Variants in GRK5 observed in about 807,000 individuals in gnomAD.
GRK5 encodes G protein-coupled receptor kinase 5.
In GRK5, 40 loss-of-function variants were observed where a neutral mutation model predicts 78.4. The observed-to-expected ratio is 0.51, with a 90% CI of 0.40 to 0.66. The LOEUF is 0.66. Among genes scored for constraint, GRK5 ranks in the 30% least tolerant of loss-of-function variants. GRK5 has a pLI of 0.00. For missense variants in GRK5, 598 were observed against 759.9 expected, an observed-to-expected ratio of 0.79 and a Z score of 2.50; for synonymous variants, 289 against 296.8, an observed-to-expected ratio of 0.97 and a Z score of 0.27.
intron 1 of GRK5, among the ~76,000 whole-genome samples, chr10:119,289,480 T>C (rs952449361): frequency 2.0e-5 from 3 of 152,214 alleles, no homozygotes; most frequent in Admixed American, 6.5e-5. Flanking sequence ...CTCTTCCCAC[T>C]GTGGGGGTCA....
intron 2 of GRK5, among the ~76,000 whole-genome samples, chr10:119,372,794 CT>C (rs200752761): frequency 0.033 from 5,101 of 152,318 alleles, 185 homozygotes; most frequent in African/African-American, 0.089. Context: ...AGTAACTTTC[CT>C]TAGAGTGCCA....
intron 4 of GRK5, among the ~76,000 whole-genome samples, chr10:119,421,556 G>T (rs538926250): frequency 3.2e-4 from 48 of 152,346 alleles, no homozygotes; most frequent in Admixed American, 5.9e-4. Flanking sequence ...GTGCTCTGTG[G>T]GTTGCTCTTC....
chr10:119,385,619 G>A (rs926202501), intron 3 of GRK5, among the ~76,000 whole-genome samples: 4 of 152,208 alleles, frequency 2.6e-5, no homozygotes, highest in Admixed American at 2.6e-4. Context: ...TTGTGTGGAA[G>A]GTGTATTCTC....
chr10:119,208,811 G>T (rs780504219), intron 1 of GRK5, among the ~76,000 whole-genome samples: 13 of 152,154 alleles, frequency 8.5e-5, no homozygotes, highest in East Asian at 5.8e-4. Context: ...CAGAAAAAAG[G>T]GGGGGGAGGC....
intron 4 of GRK5, among the ~76,000 whole-genome samples, chr10:119,418,951 TG>T (rs1246463389): frequency 6.6e-6 from 1 of 152,150 alleles, no homozygotes; most frequent in Non-Finnish European, 1.5e-5. Flanking sequence ...GCATCTTTGA[TG>T]GGGGAAGCGT....
chr10:119,292,115 CCTCCCTCTCCTCATCT>C (rs1849985025), intron 1 of GRK5, among the ~76,000 whole-genome samples: 2 of 44,046 alleles, frequency 4.5e-5, no homozygotes, highest in Non-Finnish European at 9.6e-5. Context: ...TTCTCCTCTT[CCTCCCTCTCCTCATCT>C]TCCTCCTTCT....
rs1371434116 is a variant in GRK5, at chr10:119,452,188, T to C, written c.1405-483T>C. Among the ~76,000 whole-genome samples, 1 of 152,164 alleles carries C rather than the reference T, an allele frequency of 6.6e-6. No homozygotes were observed. Among genetic ancestry groups the C allele is most frequent in the African/African-American group, 2.4e-5 (1 of 41,444 alleles). ...ACAGCAGCCCCATCGCCCAGGTGCCTCGTTGTCCCCATTTTGCCGGTAAGG... is the reference window on the plus strand; with the variant it reads ...ACAGCAGCCCCATCGCCCAGGTGCCCCGTTGTCCCCATTTTGCCGGTAAGG... On this transcript the variant is annotated intron_variant, in intron 13 of 15. Transcript: ENST00000392870. This position sits in a 1 kb window ranked among gnomAD's most constrained non-coding sequence, Gnocchi z 4.4.
At chr10:119,349,533 T>C (rs1043631616) in intron 2 of GRK5, among the ~76,000 whole-genome samples, 1 of 152,244 alleles carries the variant, frequency 6.6e-6, no homozygotes, top group East Asian at 1.9e-4. Flanking sequence ...GGGGTCTCCA[T>C]GGGCACCAGC....
rs966299427 is a variant in GRK5 at position 119,452,999 on chromosome 10, G to A, written c.1543-146G>A. On this transcript the variant is annotated intron_variant, in intron 14 of 15. Transcript: ENST00000392870. This position sits in a 1 kb window ranked among gnomAD's most constrained non-coding sequence, Gnocchi z 4.4. The stretch of plus-strand genomic sequence containing the variant: ...TAGCCACCACGGGCCAGTCATTGAC[G>A]GGGAGCCTCGCCCAGCCCCTGAGAC... 14 of 858,008 alleles carry A rather than the reference G, an allele frequency of 1.6e-5. No homozygotes were observed. Among genetic ancestry groups the A allele is most frequent in the Middle Eastern group, 6.8e-4 (2 of 2,956 alleles). 53.1% of individuals were successfully genotyped at this position (858,008 alleles called of 1,614,324 possible). A position where few individuals can be genotyped will look rare whatever the true frequency, so the allele number is the denominator to read the frequency against.
chr10:119,443,851 CAG>C, intron 12 of GRK5, 99 bp downstream of exon 12: 2 of 1,060,348 alleles, frequency 1.9e-6, no homozygotes, highest in Non-Finnish European at 2.7e-6. Flanking sequence ...GCTGAAGGGA[CAG>C]GGGTCTGAGC....
chr10:119,414,798 A>G (rs758761294), intron 4 of GRK5, among the ~76,000 whole-genome samples: 1 of 152,092 alleles, frequency 6.6e-6, no homozygotes, highest in Non-Finnish European at 1.5e-5. Flanking sequence ...AAAGGCAATG[A>G]TGGCCGGGTG....
Position 119,318,058 on chromosome 10 carries a change from A to G in GRK5, c.53-8458A>G, listed in dbSNP as rs961160573. Among the ~76,000 whole-genome samples the G allele has an allele frequency of 1.1e-4, 16 of 152,148 alleles. 1 individual carries two copies. The highest frequency in any genetic ancestry group is 2.9e-5 in the Non-Finnish European group (2 of 68,024). Reference sequence around the variant, plus strand: ...TGCTGATGCTGCTGGTCCAAGGACCACCGAGAACCACTGACTTAAGGGCAA... The same window carrying G: ...TGCTGATGCTGCTGGTCCAAGGACCGCCGAGAACCACTGACTTAAGGGCAA... On this transcript the variant is annotated intron_variant, in intron 1 of 15. Transcript: ENST00000392870.
intron 3 of GRK5, among the ~76,000 whole-genome samples, chr10:119,394,184 G>GTGTGTGGGTA (rs1851944578): frequency 6.9e-6 from 1 of 144,320 alleles, no homozygotes; most frequent in Non-Finnish European, 1.5e-5. Flanking sequence ...GTGTGTGGGT[G>GTGTGTGGGTA]TCTGTGTATG....
At chr10:119,389,137 G>T (rs1298650186) in intron 3 of GRK5, among the ~76,000 whole-genome samples, 2 of 152,194 alleles carry the variant, frequency 1.3e-5, no homozygotes, top group Non-Finnish European at 2.9e-5. Context: ...CAAATATGAG[G>T]TTACAACAAA....
chr10:119,348,845 A>G (rs1851145703), intron 2 of GRK5, among the ~76,000 whole-genome samples: 1 of 152,178 alleles, frequency 6.6e-6, no homozygotes, highest in Admixed American at 6.5e-5. Flanking sequence ...ATCCTTGTCC[A>G]AAAAAGGAGT....
intron 3 of GRK5, among the ~76,000 whole-genome samples, chr10:119,391,820 C>T (rs12781823): frequency 0.13 from 19,593 of 152,164 alleles, 1,676 homozygotes; most frequent in East Asian, 0.29. Context: ...GCTGACCAGG[C>T]GTGTCACTTG....
At chr10:119,250,514 T>TA (rs1849181975) in intron 1 of GRK5, among the ~76,000 whole-genome samples, 2 of 118,850 alleles carry the variant, frequency 1.7e-5, no homozygotes, top group East Asian at 3.1e-4. Context: ...CAGCCTCATT[T>TA]AAATTTTTTT....
At chr10:119,220,213 C>T (rs1385885227) in intron 1 of GRK5, among the ~76,000 whole-genome samples, 1 of 152,112 alleles carries the variant, frequency 6.6e-6, no homozygotes, top group Non-Finnish European at 1.5e-5. Context: ...TAATTAGTAA[C>T]CACTGGTTAT....
intron 6 of GRK5, among the ~76,000 whole-genome samples, 172 bp downstream of exon 6, chr10:119,425,257 G>GCACACACACACACACACACA (rs1176161623): frequency 1.1e-5 from 1 of 92,500 alleles, no homozygotes; most frequent in African/African-American, 4.8e-5. Flanking sequence ...GCTTATTCAA[G>GCACACACACACACACACACA]CACACACACA....
Sources: gnomAD v4.1 joint callset for allele counts (sites outside exome capture counted in the v4.1 genomes callset) on GRCh38, gnomAD v4.1.1 for gene constraint, Gnocchi (gnomAD v3.1) non-coding constraint, MANE v1.5 for transcripts, NCBI Gene and HGNC (gene_info 2026-07-23, HGNC 2026-07-21) for gene names.